The following HIVEP3 variants were observed in gnomAD, a reference collection of about 807,000 sequenced individuals.
The protein encoded by HIVEP3 is transcription factor HIVEP3.
Under a neutral mutation model 152.8 loss-of-function variants are expected in HIVEP3, and 49 were observed. The observed-to-expected ratio is 0.32, with a 90% CI of 0.26 to 0.41. The LOEUF is 0.41. HIVEP3 is among the 10% of genes least tolerant of loss of function. The probability of loss-of-function intolerance (pLI) is 1.00; values close to 1 mark genes in which losing one functional copy is unlikely to be tolerated. For synonymous variants in HIVEP3, 1,269 were observed against 1,289.0 expected (o/e 0.98, Z 0.33); for missense variants, 2,790 against 3,103.3 (o/e 0.90, Z 2.40).
chr1:41,895,706 G>C (rs1025568653), intron 1 of HIVEP3, among the ~76,000 whole-genome samples: 1 of 152,214 alleles, frequency 6.6e-6, no homozygotes, highest in Non-Finnish European at 1.5e-5. Context: ...CAAGGTGGAG[G>C]AGGGCCTTCT....
chr1:41,898,142 T>C (rs1403277280), intron 1 of HIVEP3, among the ~76,000 whole-genome samples: 1 of 152,108 alleles, frequency 6.6e-6, no homozygotes, highest in African/African-American at 2.4e-5. Flanking sequence ...GAAATATTGG[T>C]TTCATCTATT....
intron 2 of HIVEP3, among the ~76,000 whole-genome samples, chr1:41,636,411 T>C (rs139830765): frequency 2.6e-5 from 4 of 152,294 alleles, no homozygotes; most frequent in African/African-American, 9.6e-5. Flanking sequence ...AAAATAACTT[T>C]CAAAGCCCGA....
At position 41,513,034 on chromosome 1, in the gene HIVEP3, G is replaced by A; in HGVS notation, c.6187C>T (p.Leu2063Phe). The A allele has an allele frequency of 6.2e-7, 1 of 1,613,738 alleles. No homozygotes were observed. Among genetic ancestry groups the A allele is most frequent in the Non-Finnish European group, 8.5e-7 (1 of 1,179,844 alleles). ...CTCCTGGTGGGCGAGTATCTGGGGA[G>A]GCCTGGGTCGGTGGTACCCTCGAGT... is the stretch of plus-strand genomic sequence containing the variant. ...SKLEGTTDPG[L>F]PRYSPTRRWS... is the part of the protein sequence containing the mutation. Residue 2063 changes from leucine to phenylalanine, a missense_variant, in exon 8 of 9, where the codon CTC (leucine) becomes TTC (phenylalanine). This residue lies in a region of HIVEP3 where 816 missense variants were observed against 806.5 expected (regional missense o/e 1.01). Transcript: ENST00000372583.
chr1:41,513,376 A>T lies in HIVEP3; in HGVS notation c.5845T>A (p.Ser1949Thr). 2 of 1,611,520 alleles carry T rather than the reference A, an allele frequency of 1.2e-6. No individual in the cohort carries two copies. The highest frequency in any genetic ancestry group is 1.7e-6 in the Non-Finnish European group (2 of 1,178,970). ...LPWLGPAPLG[S>T]VEKDTGSALS... The stretch of plus-strand genomic sequence containing the variant: ...GCTGAGCCTGTGTCTTTCTCCACAG[A>T]GCCCAGAGGGGCCGGTCCCAGCCAG... Residue 1949 changes from serine to threonine, a missense_variant, in exon 8 of 9, where the codon TCT (serine) becomes ACT (threonine). This residue lies in a region of HIVEP3 where 816 missense variants were observed against 806.5 expected (regional missense o/e 1.01). Coordinates refer to ENST00000372583, the MANE Select transcript of HIVEP3 (RefSeq NM_024503.5).
chr1:41,781,476 G>C (rs1452896227), intron 1 of HIVEP3, among the ~76,000 whole-genome samples: 1 of 152,174 alleles, frequency 6.6e-6, no homozygotes, highest in Non-Finnish European at 1.5e-5. Flanking sequence ...CTCTTGAAAT[G>C]GCTGCCTCTT....
chr1:41,898,124 G>A (rs931155366), intron 1 of HIVEP3, among the ~76,000 whole-genome samples: 5 of 152,162 alleles, frequency 3.3e-5, no homozygotes, highest in African/African-American at 1.2e-4. Flanking sequence ...CCAGCATCCT[G>A]GGGGCAGGAA....
chr1:41,546,538 TCTC>T (rs1370195829), intron 5 of HIVEP3, among the ~76,000 whole-genome samples: 1 of 152,174 alleles, frequency 6.6e-6, no homozygotes, highest in Non-Finnish European at 1.5e-5. Context: ...CCTGTGCTCA[TCTC>T]CTGAAGCTGT....
At chr1:41,693,157 C>T (rs771307769) in intron 2 of HIVEP3, among the ~76,000 whole-genome samples, 3 of 152,224 alleles carry the variant, frequency 2.0e-5, no homozygotes, top group African/African-American at 7.2e-5. Context: ...TTAACTAATG[C>T]TCTGCTGCTT....
At position 41,888,085 on chromosome 1, in the gene HIVEP3, G is replaced by A. The variant is rs540314881; in HGVS notation, c.-801+30328C>T. ...GACTGAGTCTCTGTCGCCCAGGCTG[G>A]AGTGCAGTGGCGTGATCTCAGCTCA... is the stretch of plus-strand genomic sequence containing the variant. On this transcript the variant is annotated intron_variant, in intron 1 of 8. Coordinates refer to ENST00000372583, the MANE Select transcript of HIVEP3 (RefSeq NM_024503.5). 1.2e-3 allele frequency among the ~76,000 whole-genome samples: 181 copies of A among 149,698 alleles called. 1 individual carries two copies. The highest frequency in any genetic ancestry group is 4.1e-3 in the African/African-American group (165 of 40,616).
chr1:41,651,850 G>T (rs986578090), intron 2 of HIVEP3, among the ~76,000 whole-genome samples: 1 of 152,048 alleles, frequency 6.6e-6, no homozygotes, highest in African/African-American at 2.4e-5. Flanking sequence ...TTTTTTAGTG[G>T]CTAGAGCATT....
At chr1:41,921,633 C>T (rs184677112), upstream of HIVEP3, among the ~76,000 whole-genome samples, 37 of 152,172 alleles carry the variant, frequency 2.4e-4, no homozygotes, top group East Asian at 6.8e-3. Flanking sequence ...ATACAGACCC[C>T]TAAGAAGTAA....
intron 2 of HIVEP3, among the ~76,000 whole-genome samples, chr1:41,658,943 C>T (rs80249278): frequency 0.016 from 2,423 of 152,280 alleles, 33 homozygotes; most frequent in Non-Finnish European, 0.021. Context: ...AGAAGTCTGA[C>T]CTTTTCCTCA....
At chr1:42,027,815 C>T (rs902311257) in intron 1 of HIVEP3, among the ~76,000 whole-genome samples, 1 of 152,166 alleles carries the variant, frequency 6.6e-6, no homozygotes, top group African/African-American at 2.4e-5. Context: ...GCAGAAACCC[C>T]TGATAAACCC....
intron 1 of HIVEP3, among the ~76,000 whole-genome samples, chr1:41,941,457 G>A (rs1017972575): frequency 2.6e-5 from 4 of 152,144 alleles, no homozygotes; most frequent in Admixed American, 2.6e-4. Flanking sequence ...AGAAGGAAAG[G>A]GGGTGTAAAT....
At chr1:41,801,189 G>C (rs1421095778) in intron 1 of HIVEP3, among the ~76,000 whole-genome samples, 2 of 152,196 alleles carry the variant, frequency 1.3e-5, no homozygotes, top group Non-Finnish European at 2.9e-5. Flanking sequence ...GGAAGGAAGA[G>C]AGGTCCCTGC....
At chr1:41,683,625 G>A (rs1646072686) in intron 2 of HIVEP3, among the ~76,000 whole-genome samples, 1 of 152,208 alleles carries the variant, frequency 6.6e-6, no homozygotes, top group African/African-American at 2.4e-5. Flanking sequence ...GGCCATGGCT[G>A]GAGGCTGGGA....
chr1:41,720,197 T>C (rs773241687), intron 1 of HIVEP3, among the ~76,000 whole-genome samples: 37 of 152,286 alleles, frequency 2.4e-4, no homozygotes, highest in Non-Finnish European at 4.0e-4. Context: ...AATTCCATAA[T>C]TGGCATGCTA....
chr1:41,927,444 G>C (rs1426275814), intron 1 of HIVEP3, among the ~76,000 whole-genome samples: 2 of 152,174 alleles, frequency 1.3e-5, no homozygotes, highest in South Asian at 4.1e-4. Context: ...GTCATGACTA[G>C]AGAATAGTGA....
At chr1:41,594,566 T>C (rs757589667) in intron 3 of HIVEP3, among the ~76,000 whole-genome samples, 1 of 152,336 alleles carries the variant, frequency 6.6e-6, no homozygotes, top group East Asian at 1.9e-4. Context: ...CTAGAGAGGC[T>C]TAGCATTTTT....
Sources: allele counts gnomAD v4.1 joint callset (sites outside exome capture counted in the v4.1 genomes callset), GRCh38; gene constraint gnomAD v4.1.1; regional missense constraint gnomAD v4.1.1; transcripts MANE v1.5; gene names NCBI Gene and HGNC (gene_info 2026-07-23, HGNC 2026-07-21).